Variants in BBX observed in about 807,000 individuals in gnomAD.
BBX encodes BBX high mobility group box domain containing.
BBX carries 30 observed loss-of-function variants against 100.2 expected under a neutral mutation model. The ratio of observed to expected loss-of-function variants is 0.30; its 90% CI spans 0.22 to 0.41. The LOEUF is 0.41. Ranked by LOEUF, BBX falls within the 10% of genes least tolerant of loss-of-function variation. The pLI, the probability that BBX is intolerant of heterozygous loss-of-function variation, is 1.00. For synonymous variants in BBX, 376 were observed against 388.1 expected (o/e 0.97, Z 0.37); for missense variants, 1,023 against 1,129.8 (o/e 0.91, Z 1.35).
At chr3:107,549,378 A>G (rs1258597261) in intron 2 of BBX, among the ~76,000 whole-genome samples, 1 of 152,164 alleles carries the variant, frequency 6.6e-6, no homozygotes, top group Non-Finnish European at 1.5e-5. Context: ...TTATAGGAAA[A>G]ATAAAGCAAG....
intron 2 of BBX, among the ~76,000 whole-genome samples, chr3:107,589,480 C>G (rs1043105821): frequency 1.3e-5 from 2 of 152,154 alleles, no homozygotes; most frequent in Non-Finnish European, 2.9e-5. Flanking sequence ...ATTTGGTCCT[C>G]CAGATGGTTA....
At chr3:107,602,957 G>A (rs968766073) in intron 2 of BBX, among the ~76,000 whole-genome samples, 4 of 148,716 alleles carry the variant, frequency 2.7e-5, no homozygotes, top group African/African-American at 1.0e-4. Flanking sequence ...TTTTTGTTTT[G>A]TTTTGTTTTG....
At chr3:107,759,120 A>C (rs1187005016) in intron 10 of BBX, among the ~76,000 whole-genome samples, 1 of 152,154 alleles carries the variant, frequency 6.6e-6, no homozygotes, top group Non-Finnish European at 1.5e-5. Context: ...AGATACTTGG[A>C]TTGGCCTGTA....
At chr3:107,620,053 C>G (rs2055623951) in intron 2 of BBX, among the ~76,000 whole-genome samples, 1 of 152,010 alleles carries the variant, frequency 6.6e-6, no homozygotes, top group Non-Finnish European at 1.5e-5. Flanking sequence ...TTTCATAGGT[C>G]CCTGAGGCTC....
At position 107,595,906 on chromosome 3, in the gene BBX, A is replaced by G. The variant is rs114993132; in HGVS notation, c.-83-49930A>G. Among the ~76,000 whole-genome samples, 1,125 of 152,304 alleles carry G rather than the reference A, an allele frequency of 7.4e-3. 8 individuals are homozygous for G. The highest frequency in any genetic ancestry group is 0.025 in the African/African-American group (1,056 of 41,580). ...CTATTGACTGGAAGCCTTACCAGCA[A>G]CATAAATAGTTGGCTAACATATAAT... On this transcript the variant is annotated intron_variant, in intron 2 of 17. Coordinates refer to ENST00000325805, the MANE Select transcript of BBX (RefSeq NM_001142568.3).
intron 3 of BBX, among the ~76,000 whole-genome samples, chr3:107,665,267 C>T (rs1336181949): frequency 1.3e-5 from 2 of 152,044 alleles, no homozygotes; most frequent in African/African-American, 2.4e-5. Flanking sequence ...AGCACTAGGC[C>T]GAAATCATGA....
At chr3:107,764,959 C>T (rs982631246) in intron 10 of BBX, among the ~76,000 whole-genome samples, 1 of 152,116 alleles carries the variant, frequency 6.6e-6, no homozygotes, top group African/African-American at 2.4e-5. Flanking sequence ...TACTTGTACC[C>T]CAAAGTAGAA....
intron 2 of BBX, among the ~76,000 whole-genome samples, chr3:107,582,802 T>C (rs2052383308): frequency 6.6e-6 from 1 of 152,074 alleles, no homozygotes; most frequent in South Asian, 2.1e-4. Context: ...TAATGATCTG[T>C]TTTTCTGCTT....
At chr3:107,699,213 A>G (rs913812864) in intron 3 of BBX, among the ~76,000 whole-genome samples, 20 of 151,936 alleles carry the variant, frequency 1.3e-4, no homozygotes, top group Admixed American at 1.0e-3. Context: ...TGAAAGGACC[A>G]GAAGTGGCGT....
intron 7 of BBX, among the ~76,000 whole-genome samples, chr3:107,733,715 G>A (rs992870027): frequency 3.9e-5 from 6 of 152,084 alleles, no homozygotes; most frequent in Non-Finnish European, 8.8e-5. Flanking sequence ...GGGCTCAAGC[G>A]TCTTAGCCTC....
At chr3:107,668,800 T>C (rs1054275618) in intron 3 of BBX, among the ~76,000 whole-genome samples, 1 of 152,236 alleles carries the variant, frequency 6.6e-6, no homozygotes, top group Non-Finnish European at 1.5e-5. Flanking sequence ...GTTGATTTGT[T>C]TGAAATTATT....
chr3:107,803,109 A>G (rs772250116), intron 17 of BBX, among the ~76,000 whole-genome samples: 18 of 152,266 alleles, frequency 1.2e-4, no homozygotes, highest in Non-Finnish European at 2.4e-4. Flanking sequence ...AAATGAACAA[A>G]TGAGTGGGTG....
In BBX at chr3:107,733,013, G is replaced by T; in HGVS notation, c.659G>T (p.Gly220Val). 1 of 1,612,810 alleles carries T rather than the reference G, an allele frequency of 6.2e-7. No homozygotes were observed. The highest frequency in any genetic ancestry group is 8.5e-7 in the Non-Finnish European group (1 of 1,179,410). ...MLLLAGEHALGTPEVSSGTCR... is the reference protein window; with the variant it reads ...MLLLAGEHALVTPEVSSGTCR... ...CTGTTAGCTGGAGAACATGCTCTTG[G>T]CACACCAGAGGTAAGCCAGTCCTTT... The change falls in exon 7 of 18, where the codon GGC becomes GTC. Residue 220 changes from glycine to valine, a missense_variant. Physicochemically the swap from Gly to Val is moderately radical, Grantham distance 109. This residue lies in a region of BBX where 95 missense variants were observed against 95.1 expected (regional missense o/e 1.00). Coordinates refer to ENST00000325805, the MANE Select transcript of BBX (RefSeq NM_001142568.3).
At chr3:107,752,823 C>T (rs1034015437) in intron 9 of BBX, among the ~76,000 whole-genome samples, 2 of 152,214 alleles carry the variant, frequency 1.3e-5, no homozygotes, top group East Asian at 3.8e-4. Flanking sequence ...CACTAGTGCC[C>T]TCTACCTACC....
At chr3:107,755,482 T>C in intron 9 of BBX, 116 bp from the exon 10 acceptor site, 1 of 822,080 alleles carries the variant, frequency 1.2e-6, no homozygotes, top group Admixed American at 2.0e-5. Flanking sequence ...TGTTACTTGG[T>C]ACATGGGAGC....
chr3:107,659,879 G>A, intron 3 of BBX: 1 of 545,540 alleles, frequency 1.8e-6, no homozygotes, highest in Middle Eastern at 3.2e-4. Context: ...TAAATTAAGA[G>A]GGACGTATAA....
intron 3 of BBX, among the ~76,000 whole-genome samples, chr3:107,705,684 C>T (rs867926899): frequency 6.6e-6 from 1 of 152,180 alleles, no homozygotes; most frequent in South Asian, 2.1e-4. Flanking sequence ...CCATGCTTCC[C>T]AGTCTAAAAA....
At chr3:107,565,081 T>C (rs1294317011) in intron 2 of BBX, among the ~76,000 whole-genome samples, 1 of 152,248 alleles carries the variant, frequency 6.6e-6, no homozygotes, top group Non-Finnish European at 1.5e-5. Flanking sequence ...TTATAGTTTT[T>C]GTTGCCATGA....
chr3:107,749,489 C>T (rs933544104), intron 9 of BBX, among the ~76,000 whole-genome samples: 6 of 152,224 alleles, frequency 3.9e-5, no homozygotes, highest in Non-Finnish European at 7.4e-5. Context: ...AGAAAGGTAG[C>T]GGCTCATCTT....
Sources: allele counts gnomAD v4.1 joint callset (sites outside exome capture counted in the v4.1 genomes callset), GRCh38; gene constraint gnomAD v4.1.1; regional missense constraint gnomAD v4.1.1; transcripts MANE v1.5; gene names NCBI Gene and HGNC (gene_info 2026-07-23, HGNC 2026-07-21).